DNAH11: variants seen among roughly 807,000 people sequenced by gnomAD.
DNAH11 encodes dynein axonemal heavy chain 11, also known as axonemal beta dynein heavy chain 11.
In DNAH11, 442 loss-of-function variants were observed where a neutral mutation model predicts 526.0. That is an observed-to-expected ratio of 0.84 (90% CI 0.78 to 0.91). The LOEUF (loss-of-function observed/expected upper bound fraction) is 0.91. Ranked by LOEUF, DNAH11 falls within the 40% of genes least tolerant of loss-of-function variation. The pLI is 0.00. For synonymous variants in DNAH11, 2,461 were observed against 1,935.9 expected (o/e 1.27, Z -7.12); for missense variants, 6,989 against 5,448.7 (o/e 1.28, Z -8.90).
At chr7:21,666,824 C>T (rs1321185194) in intron 30 of DNAH11, among the ~76,000 whole-genome samples, 2 of 151,052 alleles carry the variant, frequency 1.3e-5, no homozygotes, top group Non-Finnish European at 2.9e-5. Context: ...CTAGCAGTAA[C>T]TCACAAGATC....
rs368800488 is a variant in DNAH11 at position 21,654,921 on chromosome 7, G to A, written c.4945-911G>A. ...GTGCTCCCCAGAGGAGGATTGTTCC[G>A]GTCTGTGCTAACATAACAAGATGAA... On this transcript the variant is annotated intron_variant, in intron 28 of 81. Coordinates refer to ENST00000409508, the MANE Select transcript of DNAH11 (RefSeq NM_001277115.2). Among the ~76,000 whole-genome samples the A allele has an allele frequency of 1.8e-4, 28 of 152,244 alleles. No homozygotes were observed. The East Asian group carries it at 3.9e-3, about 21-fold the overall frequency.
intron 34 of DNAH11, among the ~76,000 whole-genome samples, chr7:21,690,175 A>T (rs1325348408): frequency 6.6e-6 from 1 of 152,174 alleles, no homozygotes. Flanking sequence ...TATTTTTACT[A>T]GATGAGGGAA....
chr7:21,591,120 C>G (rs780045980), intron 13 of DNAH11, 65 bp from the exon 14 acceptor site: 53 of 1,509,918 alleles, frequency 3.5e-5, no homozygotes, highest in Non-Finnish European at 4.4e-5. Context: ...TATTTTTACA[C>G]CTTTAAGACA....
intron 2 of DNAH11, among the ~76,000 whole-genome samples, chr7:21,550,823 C>T (rs1490635977): frequency 1.3e-5 from 2 of 152,188 alleles, no homozygotes; most frequent in Non-Finnish European, 1.5e-5. Flanking sequence ...GGCTTCCACC[C>T]AGCCAGAAAG....
chr7:21,842,592 C>T lies in DNAH11; in HGVS notation c.10740C>T (p.Arg3580=). ...DKECEFNKNF[R]LILHTKLANP... The stretch of plus-strand genomic sequence containing the variant: ...AATGTGAATTTAACAAGAACTTTCG[C>T]CTTATCCTTCACACAAAATTGGCAA... The change falls in exon 66 of 82, where the codon CGC becomes CGT. Residue 3580 remains arginine, a synonymous_variant. Transcript: ENST00000409508. 1.2e-6 allele frequency: 2 copies of T among 1,613,918 alleles called. No individual in the cohort carries two copies. The highest frequency in any genetic ancestry group is 1.7e-6 in the Non-Finnish European group (2 of 1,179,864).
chr7:21,680,238 A>G (rs1783084044), intron 30 of DNAH11, among the ~76,000 whole-genome samples: 1 of 152,204 alleles, frequency 6.6e-6, no homozygotes, highest in African/African-American at 2.4e-5. Context: ...AGTAGGCTAC[A>G]AAGGTTTGAG....
chr7:21,564,097 T>G, intron 5 of DNAH11, 89 bp from the exon 6 acceptor site: 1 of 928,526 alleles, frequency 1.1e-6, no homozygotes. Flanking sequence ...CCATGTTGTT[T>G]TACGTGGCTC....
intron 66 of DNAH11, among the ~76,000 whole-genome samples, chr7:21,844,302 C>T (rs1458151403): frequency 1.3e-5 from 2 of 152,074 alleles, no homozygotes; most frequent in African/African-American, 2.4e-5. Context: ...GGTGTGCAAC[C>T]GTAGCCGCAG....
intron 65 of DNAH11, among the ~76,000 whole-genome samples, chr7:21,822,779 C>G (rs1562566821): frequency 6.6e-6 from 1 of 151,912 alleles, no homozygotes; most frequent in African/African-American, 2.4e-5. Flanking sequence ...TATTTCTTGT[C>G]TTTTTGATAA....
chr7:21,731,211 T>A (rs1399911446), intron 45 of DNAH11, among the ~76,000 whole-genome samples: 1 of 152,108 alleles, frequency 6.6e-6, no homozygotes. Flanking sequence ...GTACAATATA[T>A]ACATATTTCA....
intron 21 of DNAH11, 55 bp from the exon 22 acceptor site, chr7:21,616,154 G>GA (rs1286497535): frequency 7.4e-7 from 1 of 1,345,470 alleles, no homozygotes; most frequent in East Asian, 2.3e-5. Context: ...TTTTGCTGCA[G>GA]AGACTTGCTT....
chr7:21,557,551 C>G (rs536255272), intron 2 of DNAH11, among the ~76,000 whole-genome samples: 7 of 152,116 alleles, frequency 4.6e-5, no homozygotes, highest in Admixed American at 2.6e-4. Context: ...ACACTAATCC[C>G]ATTCATGAGG....
rs1158482696 is a variant in DNAH11, at chr7:21,735,750, A to T, written c.7551A>T (p.Thr2517=). The change falls in exon 46 of 82, where the codon ACA becomes ACT. Residue 2517 remains threonine, a synonymous_variant. Coordinates refer to ENST00000409508, the MANE Select transcript of DNAH11 (RefSeq NM_001277115.2). ...TAGGAAATGCAGGAGTGGGAAAAAC[A>T]GTCTTTGTAGGTGACACATTGGCAA... ...MLVGNAGVGK[T]VFVGDTLASL... 6 of 1,613,916 alleles carry T rather than the reference A, an allele frequency of 3.7e-6. No homozygotes were observed. The highest frequency in any genetic ancestry group is 5.1e-6 in the Non-Finnish European group (6 of 1,179,908).
chr7:21,688,452 T>C (rs992982965), intron 34 of DNAH11, among the ~76,000 whole-genome samples: 3 of 152,214 alleles, frequency 2.0e-5, no homozygotes, highest in African/African-American at 7.2e-5. Flanking sequence ...ACTTTCTCTA[T>C]ATTTTCTCCC....
In DNAH11 at chr7:21,818,600, G is replaced by T. The variant is rs13243866; in HGVS notation, c.10691+261G>T. 0.3 allele frequency among the ~76,000 whole-genome samples: 46,109 copies of T among 151,964 alleles called. 8,836 individuals carry two copies. Among genetic ancestry groups the T allele is most frequent in the Non-Finnish European group, 0.43 (29,222 of 67,920 alleles). ...TATTGTTATAAATCTGAGAATCGTT[G>T]CCTCTTTTTAAATTTATACCAATGT... On this transcript the variant is annotated intron_variant, in intron 65 of 81. Transcript: ENST00000409508.
rs917360514 is a variant in DNAH11, at chr7:21,799,342, C to CT, written c.10027-1783dup. ...TAATATTTTTACTTCAATCTTATTT[C>CT]TTTTTTTTTTTTAAGACGGAGTCTT... On this transcript the variant is annotated intron_variant, in intron 61 of 81. Transcript: ENST00000409508. Among the ~76,000 whole-genome samples, 132 of 145,588 alleles carry CT rather than the reference C, an allele frequency of 9.1e-4. 1 individual carries two copies. Among genetic ancestry groups the CT allele is most frequent in the South Asian group, 8.1e-3 (37 of 4,592 alleles).
intron 44 of DNAH11, 54 bp from the exon 45 acceptor site, chr7:21,725,757 T>G (rs977349053): frequency 1.3e-4 from 206 of 1,526,512 alleles, no homozygotes; most frequent in Non-Finnish European, 1.8e-4. Flanking sequence ...GTTTCTTTTT[T>G]TACAGTTTTA....
chr7:21,713,781 C>T (rs751668534), intron 42 of DNAH11, among the ~76,000 whole-genome samples: 3 of 152,188 alleles, frequency 2.0e-5, no homozygotes, highest in Non-Finnish European at 4.4e-5. Flanking sequence ...TGTAGTAGAG[C>T]CATGCACAGG....
intron 3 of DNAH11, among the ~76,000 whole-genome samples, chr7:21,559,386 A>T (rs772256693): frequency 6.1e-4 from 93 of 152,310 alleles, no homozygotes; most frequent in Non-Finnish European, 1.0e-3. Flanking sequence ...ATAGTTTTTG[A>T]GGATATAATT....
Sources: allele counts gnomAD v4.1 joint callset (sites outside exome capture counted in the v4.1 genomes callset), GRCh38; gene constraint gnomAD v4.1.1; transcripts MANE v1.5; gene names NCBI Gene and HGNC (gene_info 2026-07-23, HGNC 2026-07-21).